ATG5: variants seen among roughly 807,000 people sequenced by gnomAD.
ATG5 encodes the protein autophagy protein 5.
Under a neutral mutation model 36.5 loss-of-function variants are expected in ATG5, and 14 were observed. That is an observed-to-expected ratio of 0.38 (90% CI 0.25 to 0.60). The LOEUF is 0.60. Among genes scored for constraint, ATG5 ranks in the 20% least tolerant of loss-of-function variants. ATG5 has a pLI of 0.60. For missense variants in ATG5, 195 were observed against 326.7 expected, an observed-to-expected ratio of 0.60 and a Z score of 3.11; for synonymous variants, 95 against 101.5, an observed-to-expected ratio of 0.94 and a Z score of 0.38.
At chr6:106,229,190 A>C (rs954240372) in intron 6 of ATG5, among the ~76,000 whole-genome samples, 1 of 152,236 alleles carries the variant, frequency 6.6e-6, no homozygotes, top group African/African-American at 2.4e-5. Flanking sequence ...TGTATCTCCA[A>C]AGGGATCTAA....
intron 4 of ATG5, among the ~76,000 whole-genome samples, chr6:106,286,820 C>T (rs533518669): frequency 1.3e-5 from 2 of 152,140 alleles, no homozygotes; most frequent in African/African-American, 4.8e-5. Context: ...AGAAGATAGG[C>T]CCCTCAATCC....
intron 6 of ATG5, among the ~76,000 whole-genome samples, chr6:106,225,302 T>C (rs1777411447): frequency 6.6e-6 from 1 of 152,182 alleles, no homozygotes; most frequent in African/African-American, 2.4e-5. Context: ...AAGATTCAAT[T>C]CATTCAGATT....
intron 4 of ATG5, among the ~76,000 whole-genome samples, chr6:106,282,333 G>A (rs747298484): frequency 6.6e-5 from 10 of 151,192 alleles, no homozygotes; most frequent in Non-Finnish European, 1.5e-5. Context: ...CATATTTATT[G>A]TAGTATTTAT....
intron 6 of ATG5, among the ~76,000 whole-genome samples, chr6:106,247,758 G>A (rs1361792642): frequency 1.3e-5 from 2 of 152,182 alleles, no homozygotes; most frequent in East Asian, 3.8e-4. Flanking sequence ...ACTGTGACAA[G>A]AAGGCTTGTT....
At chr6:106,197,156 A>T (rs182030984) in intron 7 of ATG5, among the ~76,000 whole-genome samples, 3 of 152,304 alleles carry the variant, frequency 2.0e-5, no homozygotes, top group African/African-American at 7.2e-5. Flanking sequence ...AGGATGTTAT[A>T]AAAAAGGAAG....
At chr6:106,213,930 T>G (rs1776946146) in intron 6 of ATG5, among the ~76,000 whole-genome samples, 1 of 152,184 alleles carries the variant, frequency 6.6e-6, no homozygotes, top group Admixed American at 6.5e-5. Context: ...GGTAACAGTA[T>G]TTAGTTGTTA....
At chr6:106,289,341 C>T (rs1413279700) in intron 4 of ATG5, among the ~76,000 whole-genome samples, 1 of 151,758 alleles carries the variant, frequency 6.6e-6, no homozygotes, top group African/African-American at 2.4e-5. Context: ...CATGTGAAGA[C>T]AACCTTTGAA....
At chr6:106,271,559 C>A (rs1444116611) in intron 5 of ATG5, 4 of 152,198 alleles carry the variant, frequency 2.6e-5, no homozygotes, top group Non-Finnish European at 5.9e-5. Context: ...TCCCTAATCA[C>A]CTTAATGTAA....
intron 6 of ATG5, among the ~76,000 whole-genome samples, chr6:106,237,592 A>G (rs1777951923): frequency 6.6e-6 from 1 of 152,208 alleles, no homozygotes; most frequent in South Asian, 2.1e-4. Flanking sequence ...GGTATTTTAC[A>G]AGATATAAAG....
chr6:106,243,561 TG>T (rs2114500116), intron 6 of ATG5, among the ~76,000 whole-genome samples: 1 of 145,628 alleles, frequency 6.9e-6, no homozygotes, highest in Non-Finnish European at 1.5e-5. Context: ...CTGGGCGCAG[TG>T]GCTCACACTT....
chr6:106,321,297 C>T (rs557134083), intron 1 of ATG5, among the ~76,000 whole-genome samples: 227 of 151,796 alleles, frequency 1.5e-3, no homozygotes, highest in Non-Finnish European at 2.9e-3. Context: ...ATTTCCATGG[C>T]CCCTCTGCTT....
At chr6:106,230,166 A>C (rs1777619802) in intron 6 of ATG5, among the ~76,000 whole-genome samples, 1 of 152,220 alleles carries the variant, frequency 6.6e-6, no homozygotes, top group Non-Finnish European at 1.5e-5. Context: ...CAGAGTTAGA[A>C]AAATTGCCTA....
At chr6:106,219,854 G>T (rs1448662168) in intron 6 of ATG5, among the ~76,000 whole-genome samples, 1 of 152,066 alleles carries the variant, frequency 6.6e-6, no homozygotes, top group Non-Finnish European at 1.5e-5. Context: ...ACCCAAGATA[G>T]ACATATGGTC....
intron 1 of ATG5, 37 bp from the exon 2 acceptor site, chr6:106,316,303 C>G (rs953446326): frequency 1.3e-6 from 1 of 767,382 alleles, no homozygotes; most frequent in South Asian, 2.5e-5. Flanking sequence ...CAGATCCTTG[C>G]AACGATGAAT....
chr6:106,260,017 C>A (rs978562248), intron 5 of ATG5, among the ~76,000 whole-genome samples: 1 of 152,072 alleles, frequency 6.6e-6, no homozygotes, highest in Non-Finnish European at 1.5e-5. Flanking sequence ...CACAGAAAAC[C>A]AGACACTGCA....
chr6:106,295,212 CAATTT>C (rs1325493687), intron 3 of ATG5, among the ~76,000 whole-genome samples: 1 of 152,060 alleles, frequency 6.6e-6, no homozygotes, highest in Non-Finnish European at 1.5e-5. Context: ...TTAACGTCTT[CAATTT>C]ATTTTTTAGA....
chr6:106,271,652 TATC>T (rs1562248400), intron 5 of ATG5: 2 of 152,212 alleles, frequency 1.3e-5, no homozygotes, highest in Admixed American at 6.5e-5. Flanking sequence ...GTACTGGCAA[TATC>T]ATAACCAATG....
intron 6 of ATG5, among the ~76,000 whole-genome samples, chr6:106,212,378 T>C (rs988909101): frequency 2.0e-5 from 3 of 152,224 alleles, no homozygotes; most frequent in Non-Finnish European, 4.4e-5. Flanking sequence ...CAGAGGCTCA[T>C]GCCTGTAATT....
At chr6:106,226,536 T>TA (rs1777459776) in intron 6 of ATG5, among the ~76,000 whole-genome samples, 1 of 151,856 alleles carries the variant, frequency 6.6e-6, no homozygotes, top group African/African-American at 2.4e-5. Flanking sequence ...CGCAAAGAAC[T>TA]AAAAAAAAGT....
Sources: allele counts gnomAD v4.1 joint callset (sites outside exome capture counted in the v4.1 genomes callset), GRCh38; gene constraint gnomAD v4.1.1; transcripts MANE v1.5; gene names NCBI Gene and HGNC (gene_info 2026-07-23, HGNC 2026-07-21).